The following SPATA6 variants were observed in gnomAD, a reference collection of about 807,000 sequenced individuals.
SPATA6 encodes spermatogenesis associated 6, also known as spermatogenesis-associated protein 6.
A neutral mutation model predicts 65.3 loss-of-function variants in SPATA6; 56 were observed. The observed-to-expected ratio is 0.86, with a 90% CI of 0.69 to 1.07. SPATA6 has a LOEUF of 1.07. Ranked by LOEUF, SPATA6 falls within the 50% of genes least tolerant of loss-of-function variation. SPATA6 has a pLI of 0.00. For missense variants in SPATA6, 590 were observed against 594.8 expected (o/e 0.99, Z 0.08); for synonymous variants, 199 against 213.2 (o/e 0.93, Z 0.58).
chr1:48,316,514 C>G (rs1236209659), intron 11 of SPATA6, among the ~76,000 whole-genome samples: 1 of 152,144 alleles, frequency 6.6e-6, no homozygotes, highest in Non-Finnish European at 1.5e-5. Flanking sequence ...CTTCCTACAC[C>G]TTATACAAAA....
rs534373095 is a variant in SPATA6, at chr1:48,346,350, A to G, written c.1194+9320T>C. Among the ~76,000 whole-genome samples the G allele has an allele frequency of 5.3e-5, 8 of 152,262 alleles. No homozygotes were observed. The South Asian group carries it at 1.4e-3, about 28-fold the overall frequency. On this transcript the variant is annotated intron_variant, in intron 11 of 12. Coordinates refer to ENST00000371847, the MANE Select transcript of SPATA6 (RefSeq NM_019073.4). ...CTCAAAATAATAAAAGCCATATACAACAAACTGACAGTCAACATCATACTG... is the reference window on the plus strand; with the variant it reads ...CTCAAAATAATAAAAGCCATATACAGCAAACTGACAGTCAACATCATACTG...
At chr1:48,320,416 C>A (rs1645567588) in intron 11 of SPATA6, among the ~76,000 whole-genome samples, 1 of 152,162 alleles carries the variant, frequency 6.6e-6, no homozygotes, top group South Asian at 2.1e-4. Flanking sequence ...CGGCAGCAAG[C>A]TGACTTCTCA....
intron 11 of SPATA6, among the ~76,000 whole-genome samples, chr1:48,328,259 G>T (rs377442383): frequency 9.2e-5 from 14 of 151,958 alleles, no homozygotes; most frequent in Non-Finnish European, 1.8e-4. Flanking sequence ...TAATAGTTTG[G>T]CAATTCCTCA....
In SPATA6 at chr1:48,369,496, C is replaced by A. The variant is rs554952014; in HGVS notation, c.910-9726G>T. On this transcript the variant is annotated intron_variant, in intron 9 of 12. Coordinates refer to ENST00000371847, the MANE Select transcript of SPATA6 (RefSeq NM_019073.4). Reference sequence around the variant, plus strand: ...TGGGCAATGGTAGGTGCCCCTCCCCCAGCCTGGCTGCCGCCTTGCAGTTTG... The same window carrying A: ...TGGGCAATGGTAGGTGCCCCTCCCCAAGCCTGGCTGCCGCCTTGCAGTTTG... Among the ~76,000 whole-genome samples, 126 of 152,342 alleles carry A rather than the reference C, an allele frequency of 8.3e-4. 1 individual carries two copies. Among genetic ancestry groups the A allele is most frequent in the Non-Finnish European group, 9.8e-4 (67 of 68,032 alleles).
At chr1:48,402,675 G>C (rs1262222305) in intron 6 of SPATA6, 1 of 152,098 alleles carries the variant, frequency 6.6e-6, no homozygotes, top group Non-Finnish European at 1.5e-5. Flanking sequence ...AAATTTACTT[G>C]AATACTGATA....
the SPATA6 span, among the ~76,000 whole-genome samples, chr1:48,289,605 A>C: frequency 2.0e-5 from 3 of 152,236 alleles, no homozygotes; most frequent in Non-Finnish European, 4.4e-5. Flanking sequence ...ACCTTGAAAA[A>C]AGATTAGATG....
the SPATA6 span, among the ~76,000 whole-genome samples, chr1:48,269,979 C>T: frequency 2.3e-3 from 348 of 152,118 alleles, no homozygotes; most frequent in African/African-American, 7.0e-3. Context: ...AATTCTATGG[C>T]AGCTGTTCAA....
intron 11 of SPATA6, among the ~76,000 whole-genome samples, chr1:48,348,446 AGGCTCATTTAGATT>A (rs999528144): frequency 1.3e-5 from 2 of 151,932 alleles, no homozygotes; most frequent in Non-Finnish European, 2.9e-5. Context: ...TGATGACCAG[AGGCTCATTTAGATT>A]GGCTTCTGTA....
intron 9 of SPATA6, among the ~76,000 whole-genome samples, chr1:48,369,649 G>A (rs1647168442): frequency 2.0e-5 from 3 of 152,226 alleles, no homozygotes; most frequent in African/African-American, 7.2e-5. Flanking sequence ...AGTGGGGTGG[G>A]AGTGATTGGA....
At chr1:48,335,553 T>G (rs1034409378) in intron 11 of SPATA6, among the ~76,000 whole-genome samples, 1 of 152,118 alleles carries the variant, frequency 6.6e-6, no homozygotes, top group African/African-American at 2.4e-5. Context: ...GACTCCCTAC[T>G]CAATAAATAG....
chr1:48,302,078 T>A (rs899625809), intron 12 of SPATA6, among the ~76,000 whole-genome samples: 1 of 152,194 alleles, frequency 6.6e-6, no homozygotes, highest in Non-Finnish European at 1.5e-5. Context: ...AAGTTTTAGA[T>A]CTAGTTGAGA....
At chr1:48,416,887 T>G (rs1054118418) in intron 3 of SPATA6, among the ~76,000 whole-genome samples, 56 of 152,322 alleles carry the variant, frequency 3.7e-4, no homozygotes, top group Middle Eastern at 3.4e-3. Flanking sequence ...TTTCATAAAA[T>G]TTAACCACTA....
At chr1:48,314,885 C>G (rs887430432) in intron 11 of SPATA6, among the ~76,000 whole-genome samples, 9 of 152,136 alleles carry the variant, frequency 5.9e-5, no homozygotes, top group East Asian at 5.8e-4. Flanking sequence ...GACAGAAATA[C>G]AAACTACCAT....
rs549353047 is a variant in SPATA6 at position 48,343,194 on chromosome 1, T to C, written c.1194+12476A>G. ...TCTGGGACTCATCTATGTGGCCTAC[T>C]AGGGCCACATAAAAAGATTTGCAAG... On this transcript the variant is annotated intron_variant, in intron 11 of 12. Coordinates refer to ENST00000371847, the MANE Select transcript of SPATA6 (RefSeq NM_019073.4). 3.9e-5 allele frequency among the ~76,000 whole-genome samples: 6 copies of C among 152,240 alleles called. No homozygotes were observed. In the East Asian group the frequency reaches 7.7e-4, roughly 20 times the overall value.
chr1:48,359,704 G>A lies in SPATA6; in HGVS notation c.976C>T (p.Pro326Ser). 6.2e-7 allele frequency: 1 copy of A among 1,613,508 alleles called. No homozygotes were observed. The highest frequency in any genetic ancestry group is 1.7e-4 in the Middle Eastern group (1 of 6,022). ...SLEKCEEYLS[P>S]RSCSKPRHSA... ...TGCCGGGGCTTACTACACGACCTTG[G>A]GCTCAAATACTCTTCACATTTTTCT... Residue 326 changes from proline (P) to serine (S), a missense_variant, in exon 10 of 13, where the codon CCA becomes TCA. Coordinates refer to ENST00000371847, the MANE Select transcript of SPATA6 (RefSeq NM_019073.4).
intron 3 of SPATA6, among the ~76,000 whole-genome samples, chr1:48,442,786 AC>A (rs1655648621): frequency 6.6e-6 from 1 of 151,444 alleles, no homozygotes; most frequent in Non-Finnish European, 1.5e-5. Context: ...TAAATTTAAA[AC>A]CTATAATGAT....
intron 9 of SPATA6, among the ~76,000 whole-genome samples, chr1:48,366,343 T>G (rs1647010866): frequency 6.6e-6 from 1 of 152,170 alleles, no homozygotes; most frequent in African/African-American, 2.4e-5. Context: ...CTTTTTCTAT[T>G]GATTGGAATA....
chr1:48,314,573 C>G (rs951751338), intron 11 of SPATA6, among the ~76,000 whole-genome samples: 2 of 152,110 alleles, frequency 1.3e-5, no homozygotes, highest in African/African-American at 4.8e-5. Context: ...GCACTAAATG[C>G]CCACAAGAGA....
intron 9 of SPATA6, among the ~76,000 whole-genome samples, chr1:48,384,381 A>C (rs1196492653): frequency 4.3e-5 from 1 of 23,034 alleles, no homozygotes; most frequent in African/African-American, 2.7e-4. Flanking sequence ...GGAGAGGGAG[A>C]GGGAGAGGGA....
Sources: allele counts gnomAD v4.1 joint callset (sites outside exome capture counted in the v4.1 genomes callset), GRCh38; gene constraint gnomAD v4.1.1; transcripts MANE v1.5; gene names NCBI Gene and HGNC (gene_info 2026-07-23, HGNC 2026-07-21).